SYNE2: variants seen among roughly 807,000 people sequenced by gnomAD.
The protein encoded by SYNE2 is spectrin repeat containing nuclear envelope protein 2.
SYNE2 carries 431 observed loss-of-function variants against 856.3 expected under a neutral mutation model. The ratio of observed to expected loss-of-function variants is 0.50; its 90% CI spans 0.47 to 0.55. SYNE2 has a LOEUF of 0.55. SYNE2 is among the 20% of genes least tolerant of loss of function. SYNE2 has a pLI of 0.00. For synonymous variants in SYNE2, 2,923 were observed against 2,872.3 expected, an observed-to-expected ratio of 1.02 and a Z score of -0.56; for missense variants, 8,129 against 8,023.2, an observed-to-expected ratio of 1.01 and a Z score of -0.50.
At chr14:63,782,883 TTTAA>T (rs1311940982) in intron 1 of SYNE2, among the ~76,000 whole-genome samples, 2 of 152,064 alleles carry the variant, frequency 1.3e-5, no homozygotes, top group Admixed American at 6.6e-5. Context: ...TTAAATTTTG[TTTAA>T]TTAATATCCT....
At chr14:64,093,257 A>AT (rs2097645325) in intron 60 of SYNE2, 92 bp from the exon 61 acceptor site, 1 of 1,485,494 alleles carries the variant, frequency 6.7e-7, no homozygotes. Flanking sequence ...GCTGTGAGTG[A>AT]TTAAAACTTC....
At chr14:64,212,140 C>T (rs1003841629) in intron 104 of SYNE2, 42 bp downstream of exon 104, 1 of 1,612,494 alleles carries the variant, frequency 6.2e-7, no homozygotes. Context: ...AAAGAACACA[C>T]CTTTGCGTGG....
At chr14:64,063,902 T>C (rs561541454) in intron 50 of SYNE2, among the ~76,000 whole-genome samples, 1 of 152,296 alleles carries the variant, frequency 6.6e-6, no homozygotes, top group South Asian at 2.1e-4. Context: ...CTGAACTCTA[T>C]GTATATAATT....
At chr14:64,151,355 CAT>C (rs2098239999) in intron 84 of SYNE2, among the ~76,000 whole-genome samples, 1 of 149,500 alleles carries the variant, frequency 6.7e-6, no homozygotes, top group African/African-American at 2.5e-5. Flanking sequence ...TCAGCTACCC[CAT>C]GCCCACGAGG....
At chr14:63,785,622 A>C (rs766715013) in intron 1 of SYNE2, among the ~76,000 whole-genome samples, 1 of 152,222 alleles carries the variant, frequency 6.6e-6, no homozygotes, top group Non-Finnish European at 1.5e-5. Context: ...GGCATGATCC[A>C]AAAAAGAACC....
chr14:64,166,063 A>AAGTTT (rs763438306), intron 90 of SYNE2, among the ~76,000 whole-genome samples: 7 of 152,224 alleles, frequency 4.6e-5, no homozygotes, highest in Non-Finnish European at 8.8e-5. Flanking sequence ...TTACCTTCGT[A>AAGTTT]AGTTTAGTTT....
chr14:64,222,815 G>A (rs1232753129), intron 112 of SYNE2, among the ~76,000 whole-genome samples: 2 of 152,116 alleles, frequency 1.3e-5, no homozygotes, highest in Admixed American at 6.6e-5. Flanking sequence ...CCGTTTGCCT[G>A]GTATGAACCT....
intron 95 of SYNE2, among the ~76,000 whole-genome samples, chr14:64,175,835 T>C (rs1342768244): frequency 6.6e-6 from 1 of 152,216 alleles, no homozygotes; most frequent in Non-Finnish European, 1.5e-5. Context: ...TAAGAGTAAA[T>C]ATATGCTGAG....
chr14:63,952,271 A>T (rs1173183497), intron 7 of SYNE2, among the ~76,000 whole-genome samples: 3 of 152,166 alleles, frequency 2.0e-5, no homozygotes, highest in Non-Finnish European at 4.4e-5. Flanking sequence ...AGTGCCTGCC[A>T]GTCAGTGCAG....
At chr14:63,923,545 A>G (rs1049427866) in intron 2 of SYNE2, among the ~76,000 whole-genome samples, 10 of 152,238 alleles carry the variant, frequency 6.6e-5, no homozygotes, top group Admixed American at 1.3e-4. Context: ...ATAGCATGAA[A>G]GCTCTGGGGT....
chr14:63,768,897 T>C (rs1331820521), intron 1 of SYNE2, among the ~76,000 whole-genome samples: 1 of 151,000 alleles, frequency 6.6e-6, no homozygotes, highest in Non-Finnish European at 1.5e-5. Flanking sequence ...ACCTAGATGA[T>C]GAAGAACAAA....
At chr14:64,084,876 C>T (rs1253571447) in intron 57 of SYNE2, 4 of 691,866 alleles carry the variant, frequency 5.8e-6, no homozygotes, top group Admixed American at 2.0e-5. Flanking sequence ...CATCTGAAGG[C>T]TCGACTTGTG....
In SYNE2 at chr14:64,070,851, G is replaced by T. The variant is rs201834981; in HGVS notation, c.10638G>T (p.Gly3546=). The T allele has an allele frequency of 8.1e-6, 13 of 1,614,186 alleles. No individual in the cohort carries two copies. The Admixed American group carries it at 2.2e-4, about 27-fold the overall frequency. The change falls in exon 52 of 116, where the codon GGG becomes GGT. Residue 3546 remains glycine (G), a synonymous_variant. Transcript: ENST00000555002. ...TCCAGAATGTTCCTGAAAGCTCAGG[G>T]GCTGTGGAAACTGTTCCAGCATTTC... is the stretch of plus-strand genomic sequence containing the variant. ...RSIQNVPESS[G]AVETVPAFQE...
intron 1 of SYNE2, among the ~76,000 whole-genome samples, chr14:63,767,211 T>A (rs1164197491): frequency 6.6e-6 from 1 of 151,394 alleles, no homozygotes; most frequent in Non-Finnish European, 1.5e-5. Flanking sequence ...GTTCAAGCAA[T>A]TCTCCTGCCT....
intron 99 of SYNE2, chr14:64,190,482 A>C: frequency 1.5e-6 from 1 of 647,782 alleles, no homozygotes; most frequent in South Asian, 1.8e-5. Context: ...AGTTTTAATG[A>C]AGAGTTGGAA....
At chr14:63,780,827 G>A (rs1396424702) in intron 1 of SYNE2, among the ~76,000 whole-genome samples, 1 of 152,136 alleles carries the variant, frequency 6.6e-6, no homozygotes, top group African/African-American at 2.4e-5. Context: ...TCTAGAACAG[G>A]GAACACTTAT....
rs552463090 is a variant in SYNE2, at chr14:64,029,915, C to A, written c.6735C>A (p.Asp2245Glu). 1.4e-5 allele frequency: 22 copies of A among 1,613,620 alleles called. No individual in the cohort carries two copies. In the African/African-American group the frequency reaches 2.7e-4, roughly 20 times the overall value. Reference protein sequence around the residue: ...QQLQDSVQNLDGHVREHDSYQ... With the variant: ...QQLQDSVQNLEGHVREHDSYQ... ...TTTAGGATTCTGTGCAAAACTTGGA[C>A]GGTCACGTTCGAGAACATGATTCAT... Residue 2245 changes from aspartate to glutamate, a missense_variant, in exon 44 of 116, where the codon GAC becomes GAA. Asp to Glu is a conservative substitution (Grantham distance 45). Transcript: ENST00000555002.
At chr14:64,060,181 CT>C (rs2097305479) in intron 49 of SYNE2, among the ~76,000 whole-genome samples, 1 of 152,102 alleles carries the variant, frequency 6.6e-6, no homozygotes, top group Non-Finnish European at 1.5e-5. Flanking sequence ...AGACAGTCTC[CT>C]TTACTCTTTC....
intron 1 of SYNE2, among the ~76,000 whole-genome samples, chr14:63,766,793 A>G (rs1162424763): frequency 6.6e-6 from 1 of 152,128 alleles, no homozygotes; most frequent in Admixed American, 6.6e-5. Flanking sequence ...CTGGGGAGAG[A>G]GGGACAAAAG....
Sources: gnomAD v4.1 joint callset for allele counts (sites outside exome capture counted in the v4.1 genomes callset) on GRCh38, gnomAD v4.1.1 for gene constraint, MANE v1.5 for transcripts, NCBI Gene and HGNC (gene_info 2026-07-23, HGNC 2026-07-21) for gene names.